Variants in ABHD12 observed in about 807,000 individuals in gnomAD.
The protein encoded by ABHD12 is abhydrolase domain containing 12, lysophospholipase.
Under a neutral mutation model 58.3 loss-of-function variants are expected in ABHD12, and 43 were observed. That is an observed-to-expected ratio of 0.74 (90% CI 0.58 to 0.95). ABHD12 has a LOEUF of 0.95. Among genes scored for constraint, ABHD12 ranks in the 40% least tolerant of loss-of-function variants. The probability of loss-of-function intolerance (pLI) is 0.00; values close to 1 mark genes in which losing one functional copy is unlikely to be tolerated. For synonymous variants in ABHD12, 219 were observed against 211.2 expected, an observed-to-expected ratio of 1.04 and a Z score of -0.32; for missense variants, 539 against 537.2, an observed-to-expected ratio of 1.00 and a Z score of -0.03.
At position 25,368,530 on chromosome 20, in the gene ABHD12, C is replaced by A. The variant is rs2089855073; in HGVS notation, c.191+21983G>T. 9 of 1,471,978 alleles carry A rather than the reference C, an allele frequency of 6.1e-6. No homozygotes were observed. In the South Asian group the frequency reaches 9.1e-5, roughly 15 times the overall value. The allele number at this position is 1,471,978 out of a possible 1,614,324, so 91.2% of individuals were successfully genotyped here. Reference sequence around the variant, plus strand: ...TGAAGTTTTCATCACCAAATTTCTCCCCGTAAATGGACTTGCCACCAGTGC... The same window carrying A: ...TGAAGTTTTCATCACCAAATTTCTCACCGTAAATGGACTTGCCACCAGTGC... On this transcript the variant is annotated intron_variant, in intron 1 of 12. Coordinates refer to ENST00000339157, the MANE Select transcript of ABHD12 (RefSeq NM_001042472.3).
rs1346662353 is a variant in ABHD12, at chr20:25,309,136, G to C, written c.749+310C>G. Among the ~76,000 whole-genome samples the C allele has an allele frequency of 1.1e-4, 16 of 152,288 alleles. No individual in the cohort carries two copies. The East Asian group carries it at 2.9e-3, about 28-fold the overall frequency. Reference sequence around the variant, plus strand: ...CCTCCTGTCCTGGCCTCTGTGAGAAGCAAACCACCCACTGTGCCCTCCCTC... The same window carrying C: ...CCTCCTGTCCTGGCCTCTGTGAGAACCAAACCACCCACTGTGCCCTCCCTC... On this transcript the variant is annotated intron_variant, in intron 7 of 12. Coordinates refer to ENST00000339157, the MANE Select transcript of ABHD12 (RefSeq NM_001042472.3).
At chr20:25,347,290 T>G (rs2089532296) in intron 1 of ABHD12, among the ~76,000 whole-genome samples, 1 of 152,192 alleles carries the variant, frequency 6.6e-6, no homozygotes, top group African/African-American at 2.4e-5. Flanking sequence ...ACTGCCAGCA[T>G]GCTGTTTTCA....
chr20:25,339,144 A>C, intron 2 of ABHD12, 83 bp downstream of exon 2: 2 of 1,585,084 alleles, frequency 1.3e-6, no homozygotes, highest in East Asian at 4.5e-5. Context: ...CATTAAAGTA[A>C]AAAGACTACC....
rs2089205057 is a variant in ABHD12 at position 25,328,007 on chromosome 20, A to G, written c.317-4577T>C. Among the ~76,000 whole-genome samples the G allele has an allele frequency of 2.6e-5, 4 of 151,958 alleles. No homozygotes were observed. The South Asian group carries it at 8.3e-4, about 32-fold the overall frequency. Reference sequence around the variant, plus strand: ...ACCTGACCATCAGCACTTCCAGCTCACTGGCTTCCCCACACCCACCAAGTT... The same window carrying G: ...ACCTGACCATCAGCACTTCCAGCTCGCTGGCTTCCCCACACCCACCAAGTT... On this transcript the variant is annotated intron_variant, in intron 2 of 12. Transcript: ENST00000339157.
At chr20:25,359,270 A>G (rs369784938) in intron 1 of ABHD12, among the ~76,000 whole-genome samples, 40 of 150,474 alleles carry the variant, frequency 2.7e-4, no homozygotes, top group African/African-American at 9.8e-4. Flanking sequence ...AAATACAAAA[A>G]AAAATTAGCC....
chr20:25,382,431 G>A (rs1000730683), intron 1 of ABHD12, among the ~76,000 whole-genome samples: 10 of 152,006 alleles, frequency 6.6e-5, no homozygotes, highest in Admixed American at 6.5e-4. Flanking sequence ...GTCATCTCTG[G>A]GTGAAGAGCA....
At position 25,320,328 on chromosome 20, in the gene ABHD12, G is replaced by A. The variant is rs1413063212; in HGVS notation, c.423-10C>T. The A allele has an allele frequency of 2.5e-6, 4 of 1,613,220 alleles. No homozygotes were observed. Among genetic ancestry groups the A allele is most frequent in the Non-Finnish European group, 3.4e-6 (4 of 1,180,040 alleles). Reference sequence around the variant, plus strand: ...TGCAGGGACGGTGTGCCTGCAGACAGAAGCAGAGGGGAGCGCAGGATCAGA... The same window carrying A: ...TGCAGGGACGGTGTGCCTGCAGACAAAAGCAGAGGGGAGCGCAGGATCAGA... On this transcript the variant is annotated splice_polypyrimidine_tract_variant and intron_variant, in intron 3 of 12. Coordinates refer to ENST00000339157, the MANE Select transcript of ABHD12 (RefSeq NM_001042472.3).
At chr20:25,365,796 C>G (rs1044419119) in intron 1 of ABHD12, among the ~76,000 whole-genome samples, 9 of 152,166 alleles carry the variant, frequency 5.9e-5, no homozygotes, top group Admixed American at 6.5e-5. Context: ...CACCTATAAT[C>G]CCAGCAATTT....
chr20:25,333,502 CAA>C (rs1431438765), intron 2 of ABHD12, among the ~76,000 whole-genome samples: 1 of 147,868 alleles, frequency 6.8e-6, no homozygotes, highest in Admixed American at 6.9e-5. Context: ...GAGACACAAC[CAA>C]AAAAGAGAAT....
intron 1 of ABHD12, among the ~76,000 whole-genome samples, chr20:25,382,341 C>T (rs2090031816): frequency 6.6e-6 from 1 of 151,906 alleles, no homozygotes; most frequent in Non-Finnish European, 1.5e-5. Context: ...CGGTGTGGCA[C>T]GAGATAGATG....
chr20:25,351,097 C>T (rs1249717651), intron 1 of ABHD12, among the ~76,000 whole-genome samples: 3 of 152,006 alleles, frequency 2.0e-5, no homozygotes, highest in African/African-American at 7.2e-5. Context: ...ATAAACATTT[C>T]TTCTGTTGAT....
intron 6 of ABHD12, among the ~76,000 whole-genome samples, chr20:25,313,922 A>G (rs2088911771): frequency 6.6e-6 from 1 of 152,022 alleles, no homozygotes; most frequent in Non-Finnish European, 1.5e-5. Flanking sequence ...GCCCTGGTTC[A>G]TTCAAAAAAG....
chr20:25,385,331 CAAAAA>C (rs11477490), intron 1 of ABHD12, among the ~76,000 whole-genome samples: 6 of 51,716 alleles, frequency 1.2e-4, no homozygotes, highest in African/African-American at 1.5e-4. Context: ...GAGTGAGACT[CAAAAA>C]AAAAAAAAAA....
At chr20:25,306,427 G>C (rs1246238732) in intron 10 of ABHD12, among the ~76,000 whole-genome samples, 1 of 152,128 alleles carries the variant, frequency 6.6e-6, no homozygotes, top group Non-Finnish European at 1.5e-5. Context: ...ACCCAGGCTG[G>C]AGTGCAGTGG....
chr20:25,295,392 T>C (rs1022071034), downstream of ABHD12, among the ~76,000 whole-genome samples: 3 of 152,268 alleles, frequency 2.0e-5, no homozygotes, highest in Non-Finnish European at 4.4e-5. Flanking sequence ...TTCTAAAATA[T>C]TGTCCCAGGA....
Position 25,340,807 on chromosome 20 carries a change from A to T in ABHD12, c.192-1456T>A, listed in dbSNP as rs138514562. Among the ~76,000 whole-genome samples, 206 of 152,362 alleles carry T rather than the reference A, an allele frequency of 1.4e-3. 1 individual carries two copies. Among genetic ancestry groups the T allele is most frequent in the African/African-American group, 4.7e-3 (194 of 41,580 alleles). On this transcript the variant is annotated intron_variant, in intron 1 of 12. Coordinates refer to ENST00000339157, the MANE Select transcript of ABHD12 (RefSeq NM_001042472.3). ...GAAAAGGCAGAACTCTAAGGACAGA[A>T]AAACAGAACAGAGGTTGCTGAGGCT...
At chr20:25,357,599 G>T (rs927960830) in intron 1 of ABHD12, among the ~76,000 whole-genome samples, 2 of 152,120 alleles carry the variant, frequency 1.3e-5, no homozygotes, top group Non-Finnish European at 2.9e-5. Context: ...TCAAGGGAAA[G>T]TAAGAATTTA....
At chr20:25,342,358 G>T (rs1600827363) in intron 1 of ABHD12, among the ~76,000 whole-genome samples, 2 of 152,042 alleles carry the variant, frequency 1.3e-5, no homozygotes, top group Admixed American at 1.3e-4. Context: ...ACTGATACAT[G>T]ATTTCACCCA....
intron 1 of ABHD12, among the ~76,000 whole-genome samples, chr20:25,365,572 T>A (rs536881434): frequency 6.6e-6 from 1 of 152,202 alleles, no homozygotes; most frequent in Admixed American, 6.5e-5. Flanking sequence ...TATGTACAGA[T>A]AGGACACTCT....
Sources: gnomAD v4.1 joint callset for allele counts (sites outside exome capture counted in the v4.1 genomes callset) on GRCh38, gnomAD v4.1.1 for gene constraint, MANE v1.5 for transcripts, NCBI Gene and HGNC (gene_info 2026-07-23, HGNC 2026-07-21) for gene names.